TM2D1: variants seen among roughly 807,000 people sequenced by gnomAD.
TM2D1 encodes TM2 domain-containing protein 1.
TM2D1 carries 15 observed loss-of-function variants against 28.4 expected under a neutral mutation model. The ratio of observed to expected loss-of-function variants is 0.53; its 90% CI spans 0.35 to 0.81. The LOEUF (loss-of-function observed/expected upper bound fraction) is 0.81. Among genes scored for constraint, TM2D1 ranks in the 40% least tolerant of loss-of-function variants. The probability of loss-of-function intolerance (pLI) is 0.01; values close to 1 mark genes in which losing one functional copy is unlikely to be tolerated. For synonymous variants in TM2D1, 93 were observed against 96.2 expected, an observed-to-expected ratio of 0.97 and a Z score of 0.20; for missense variants, 236 against 254.9, an observed-to-expected ratio of 0.93 and a Z score of 0.50.
At chr1:61,718,663 T>C (rs1644539356) in intron 2 of TM2D1, among the ~76,000 whole-genome samples, 2 of 152,166 alleles carry the variant, frequency 1.3e-5, no homozygotes, top group Non-Finnish European at 1.5e-5. Context: ...AAAGAGATAG[T>C]TATCATATGC....
chr1:61,690,456 C>CAAAAA (rs762550068), intron 5 of TM2D1, among the ~76,000 whole-genome samples: 25 of 60,014 alleles, frequency 4.2e-4, no homozygotes, highest in African/African-American at 8.3e-4. Context: ...GACTCAGTCT[C>CAAAAA]AAAAAAAAAA....
intron 5 of TM2D1, among the ~76,000 whole-genome samples, chr1:61,692,186 G>C (rs994947655): frequency 2.0e-5 from 3 of 151,392 alleles, no homozygotes; most frequent in African/African-American, 7.3e-5. Context: ...AGGAACAAAA[G>C]ATAGAAAATT....
intron 5 of TM2D1, among the ~76,000 whole-genome samples, chr1:61,687,719 C>T (rs527933241): frequency 6.6e-6 from 1 of 152,108 alleles, no homozygotes; most frequent in Admixed American, 6.6e-5. Context: ...AAAAAAAAGA[C>T]CATTTTATAT....
chr1:61,699,741 C>T (rs1249446662), intron 4 of TM2D1: 2 of 152,710 alleles, frequency 1.3e-5, no homozygotes, highest in African/African-American at 2.4e-5. Context: ...AATTGGCCTA[C>T]TAACATATTT....
rs536199990 is a variant in TM2D1, at chr1:61,705,174, T to C, written c.348-4149A>G. Among the ~76,000 whole-genome samples the C allele has an allele frequency of 3.2e-4, 48 of 152,234 alleles. No homozygotes were observed. In the South Asian group the frequency reaches 1.0e-2, roughly 32 times the overall value. The stretch of plus-strand genomic sequence containing the variant: ...TAAAGAATAATCTGAAAACTGGTAG[T>C]ATAGCAGAGATTAGTTATTCACCGA... On this transcript the variant is annotated intron_variant, in intron 3 of 6. Coordinates refer to ENST00000606498, the MANE Select transcript of TM2D1 (RefSeq NM_032027.3).
intron 5 of TM2D1, among the ~76,000 whole-genome samples, chr1:61,693,977 G>C (rs1050507566): frequency 6.6e-6 from 1 of 152,112 alleles, no homozygotes; most frequent in Non-Finnish European, 1.5e-5. Context: ...AAATGTTTAA[G>C]GACAGCATTT....
At chr1:61,722,943 T>C (rs1402943475) in intron 2 of TM2D1, among the ~76,000 whole-genome samples, 1 of 152,214 alleles carries the variant, frequency 6.6e-6, no homozygotes, top group East Asian at 1.9e-4. Flanking sequence ...AAAGTATTTT[T>C]CTCGCCTAGA....
chr1:61,714,763 C>T (rs1644504623), intron 2 of TM2D1, among the ~76,000 whole-genome samples: 1 of 152,044 alleles, frequency 6.6e-6, no homozygotes, highest in Non-Finnish European at 1.5e-5. Flanking sequence ...ACCACGTTGC[C>T]CAAGCTGGTC....
chr1:61,720,311 G>A (rs1161352731), intron 2 of TM2D1, among the ~76,000 whole-genome samples: 16 of 151,660 alleles, frequency 1.1e-4, no homozygotes, highest in Admixed American at 3.9e-4. Context: ...GCGTGACCTC[G>A]GCTCACTGCA....
At chr1:61,724,068 A>C (rs1456673924) in intron 1 of TM2D1, among the ~76,000 whole-genome samples, 1 of 152,200 alleles carries the variant, frequency 6.6e-6, no homozygotes, top group African/African-American at 2.4e-5. Context: ...CATTACAATA[A>C]ACCTTTAAAT....
intron 3 of TM2D1, among the ~76,000 whole-genome samples, chr1:61,703,658 G>T (rs1039125787): frequency 1.3e-4 from 18 of 142,322 alleles, no homozygotes; most frequent in African/African-American, 4.6e-4. Flanking sequence ...AGTTATCTGT[G>T]GGCCTTGGCC....
rs146408631 is a variant in TM2D1, at chr1:61,703,976, G to A, written c.348-2951C>T. Among the ~76,000 whole-genome samples, 945 of 150,582 alleles carry A rather than the reference G, an allele frequency of 6.3e-3. 10 individuals carry two copies. Among genetic ancestry groups the A allele is most frequent in the African/African-American group, 0.02 (802 of 40,964 alleles). On this transcript the variant is annotated intron_variant, in intron 3 of 6. Coordinates refer to ENST00000606498, the MANE Select transcript of TM2D1 (RefSeq NM_032027.3). ...TCACCATGTTGTCCAGGCTGGTCTC[G>A]AACTCCTGACCTCAGGTGATCCACC...
chr1:61,722,589 G>A (rs1644575767), intron 2 of TM2D1, among the ~76,000 whole-genome samples: 1 of 152,112 alleles, frequency 6.6e-6, no homozygotes, highest in Non-Finnish European at 1.5e-5. Context: ...GGCTGGTGTT[G>A]AACTCCTGAC....
intron 2 of TM2D1, among the ~76,000 whole-genome samples, chr1:61,718,366 TCTC>T (rs1644537595): frequency 1.3e-5 from 2 of 152,122 alleles, no homozygotes; most frequent in Admixed American, 6.6e-5. Context: ...TTAAAAGAGT[TCTC>T]CTCTGAGAGT....
At chr1:61,715,661 A>AAC (rs1644511771) in intron 2 of TM2D1, among the ~76,000 whole-genome samples, 1 of 149,564 alleles carries the variant, frequency 6.7e-6, no homozygotes, top group East Asian at 1.9e-4. Context: ...AAAAAAAAAA[A>AAC]AAAAAAAAAA....
chr1:61,684,869 C>G (rs1151755), intron 5 of TM2D1, among the ~76,000 whole-genome samples: 1 of 152,160 alleles, frequency 6.6e-6, no homozygotes, highest in Non-Finnish European at 1.5e-5. Flanking sequence ...ACCTCCCCCC[C>G]GGGGCTCTAG....
At chr1:61,722,956 G>A (rs994892493) in intron 2 of TM2D1, among the ~76,000 whole-genome samples, 1 of 152,152 alleles carries the variant, frequency 6.6e-6, no homozygotes, top group African/African-American at 2.4e-5. Flanking sequence ...CGCCTAGAGG[G>A]TTGTTTTGTA....
At chr1:61,724,013 C>T (rs975463176) in intron 1 of TM2D1, among the ~76,000 whole-genome samples, 8 of 152,136 alleles carry the variant, frequency 5.3e-5, no homozygotes. Context: ...GCCTGGGCAA[C>T]ATAACGAGAA....
At position 61,694,842 on chromosome 1, in the gene TM2D1, A is replaced by G. The variant is rs1644352797; in HGVS notation, c.440-72T>C. ...TATTAACAAACTGCTCCATTTTCCA[A>G]TAAACCATTATTATATATATATATC... On this transcript the variant is annotated intron_variant, in intron 4 of 6. Coordinates refer to ENST00000606498, the MANE Select transcript of TM2D1 (RefSeq NM_032027.3). 4.7e-6 allele frequency: 4 copies of G among 842,814 alleles called. No homozygotes were observed. The East Asian group carries it at 1.1e-4, about 23-fold the overall frequency. The allele number at this position is 842,814 out of a possible 1,614,324, so 52.2% of individuals were successfully genotyped here. A position where few individuals can be genotyped will look rare whatever the true frequency, so the allele number is the denominator to read the frequency against.
Sources: gnomAD v4.1 joint callset for allele counts (sites outside exome capture counted in the v4.1 genomes callset) on GRCh38, gnomAD v4.1.1 for gene constraint, MANE v1.5 for transcripts, NCBI Gene and HGNC (gene_info 2026-07-23, HGNC 2026-07-21) for gene names.